Variants in CRYZL1 observed in about 807,000 individuals in gnomAD.
CRYZL1 encodes ferry endosomal RAB5 effector complex subunit 4.
In CRYZL1, 34 loss-of-function variants were observed where a neutral mutation model predicts 50.6. The ratio of observed to expected loss-of-function variants is 0.67; its 90% confidence interval spans 0.51 to 0.89. The LOEUF (loss-of-function observed/expected upper bound fraction) is 0.89. Among genes scored for constraint, CRYZL1 ranks in the 40% least tolerant of loss-of-function variants. CRYZL1 has a pLI of 0.00. For synonymous variants in CRYZL1, 125 were observed against 134.3 expected (o/e 0.93, Z 0.48); for missense variants, 354 against 402.3 (o/e 0.88, Z 1.03).
At chr21:33,634,010 C>T (rs541734126) in intron 1 of CRYZL1, among the ~76,000 whole-genome samples, 5 of 152,116 alleles carry the variant, frequency 3.3e-5, no homozygotes, top group Admixed American at 6.6e-5. Flanking sequence ...GTTGGTTTCT[C>T]GGACGTGATA....
At chr21:33,595,857 G>C in intron 10 of CRYZL1, 21 bp from the exon 11 acceptor site, 1 of 1,498,296 alleles carries the variant, frequency 6.7e-7, no homozygotes, top group Non-Finnish European at 9.3e-7. Context: ...ATGAAACAAA[G>C]ACTAATCAAT....
chr21:33,610,162 T>C (rs2086856411), intron 6 of CRYZL1, among the ~76,000 whole-genome samples: 1 of 151,068 alleles, frequency 6.6e-6, no homozygotes, highest in Non-Finnish European at 1.5e-5. Context: ...AAAGTACTTA[T>C]TTTATGCTAT....
intron 5 of CRYZL1, 124 bp downstream of exon 5, chr21:33,616,582 G>A: frequency 6.5e-7 from 1 of 1,548,908 alleles, no homozygotes; most frequent in Non-Finnish European, 8.8e-7. Flanking sequence ...GTGAGCCACA[G>A]CACCCAGCCG....
In CRYZL1 at chr21:33,632,160, T is replaced by TA. The variant is rs753671237; in HGVS notation, c.-6-604dup. Among the ~76,000 whole-genome samples, 541 of 90,870 alleles carry TA rather than the reference T, an allele frequency of 6.0e-3. 5 individuals carry two copies. The highest frequency in any genetic ancestry group is 0.014 in the Middle Eastern group (2 of 140). 59.6% of individuals were successfully genotyped at this position (90,870 alleles called of 152,430 possible). On this transcript the variant is annotated intron_variant, in intron 1 of 12. Coordinates refer to ENST00000381554, the MANE Select transcript of CRYZL1 (RefSeq NM_145858.3). ...CGACATGGAGAAACCCCATCTCTAC[T>TA]AAAAAAAAAAAAAAAAAAAAAATTA... is the stretch of plus-strand genomic sequence containing the variant.
At chr21:33,631,952 A>G (rs1317421652) in intron 1 of CRYZL1, among the ~76,000 whole-genome samples, 1 of 152,160 alleles carries the variant, frequency 6.6e-6, no homozygotes, top group African/African-American at 2.4e-5. Flanking sequence ...AAAAGGAGAA[A>G]GTGAACAGCC....
intron 1 of CRYZL1, among the ~76,000 whole-genome samples, chr21:33,632,689 T>C (rs571993387): frequency 2.0e-5 from 3 of 152,336 alleles, no homozygotes; most frequent in Non-Finnish European, 4.4e-5. Context: ...TGTGAACTTC[T>C]TGAGGTATCT....
At chr21:33,634,161 G>T (rs1437112001) in intron 1 of CRYZL1, among the ~76,000 whole-genome samples, 1 of 152,168 alleles carries the variant, frequency 6.6e-6, no homozygotes, top group Admixed American at 6.5e-5. Context: ...GTTGCAGAAG[G>T]TCTTTGTGTC....
chr21:33,600,932 A>ATTTTTTTTTTT (rs760240536), intron 8 of CRYZL1, among the ~76,000 whole-genome samples: 1 of 122,632 alleles, frequency 8.2e-6, no homozygotes, highest in African/African-American at 3.1e-5. Context: ...CGGTCCATAA[A>ATTTTTTTTTTT]GTTTTTTTTT....
chr21:33,641,388 T>G, intron 1 of CRYZL1: 1 of 1,464,308 alleles, frequency 6.8e-7, no homozygotes, highest in Non-Finnish European at 9.0e-7. Context: ...CCTGGGAGAT[T>G]AAGTGGAAGG....
chr21:33,638,814 G>GT (rs1363931961), intron 1 of CRYZL1, among the ~76,000 whole-genome samples: 2 of 152,152 alleles, frequency 1.3e-5, no homozygotes, highest in Non-Finnish European at 2.9e-5. Flanking sequence ...TGGAAAATGC[G>GT]TAACATTAGA....
At chr21:33,638,043 T>A (rs986094385) in intron 1 of CRYZL1, among the ~76,000 whole-genome samples, 1 of 152,012 alleles carries the variant, frequency 6.6e-6, no homozygotes, top group South Asian at 2.1e-4. Context: ...AATGTTCACA[T>A]TAATCTGTGA....
At chr21:33,641,411 C>A in intron 1 of CRYZL1, 2 of 1,342,310 alleles carry the variant, frequency 1.5e-6, no homozygotes, top group Non-Finnish European at 2.0e-6. Flanking sequence ...ACTCCCAGAC[C>A]TCTGCCTCCA....
chr21:33,615,007 T>C (rs1038273823), intron 5 of CRYZL1, among the ~76,000 whole-genome samples: 12 of 152,130 alleles, frequency 7.9e-5, no homozygotes, highest in Non-Finnish European at 1.6e-4. Context: ...AAAGAAATAA[T>C]CAATTCTCCA....
chr21:33,596,756 A>G (rs2086698036), intron 10 of CRYZL1, among the ~76,000 whole-genome samples: 1 of 152,112 alleles, frequency 6.6e-6, no homozygotes, highest in Non-Finnish European at 1.5e-5. Context: ...GCAGTATTTC[A>G]ACATTTTGGC....
At chr21:33,598,735 G>A (rs1428419741) in intron 9 of CRYZL1, among the ~76,000 whole-genome samples, 2 of 151,596 alleles carry the variant, frequency 1.3e-5, no homozygotes, top group East Asian at 1.9e-4. Flanking sequence ...CTCGCAGCCT[G>A]CCCAGGATGG....
intron 2 of CRYZL1, among the ~76,000 whole-genome samples, chr21:33,629,407 G>A (rs556765814): frequency 4.1e-4 from 63 of 152,196 alleles, no homozygotes; most frequent in African/African-American, 1.4e-3. Context: ...GACTAGAGGC[G>A]CACGCCACCA....
intron 6 of CRYZL1, among the ~76,000 whole-genome samples, chr21:33,604,528 C>CAA (rs34132721): frequency 1.7e-5 from 2 of 115,576 alleles, no homozygotes; most frequent in African/African-American, 6.7e-5. Flanking sequence ...GACTCCGTCT[C>CAA]AAAAAAAAAA....
chr21:33,597,184 A>G, intron 10 of CRYZL1, 96 bp downstream of exon 10: 1 of 1,274,272 alleles, frequency 7.8e-7, no homozygotes. Context: ...TTTTATACTA[A>G]TTTAGTCATA....
intron 4 of CRYZL1, among the ~76,000 whole-genome samples, chr21:33,620,720 A>T (rs184017773): frequency 6.6e-6 from 1 of 151,664 alleles, no homozygotes; most frequent in South Asian, 2.1e-4. Context: ...GCTGAGGCAG[A>T]GTTGCTTGAA....
Sources: allele counts gnomAD v4.1 joint callset (sites outside exome capture counted in the v4.1 genomes callset), GRCh38; gene constraint gnomAD v4.1.1; transcripts MANE v1.5; gene names NCBI Gene and HGNC (gene_info 2026-07-23, HGNC 2026-07-21).